Variants in ASXL1 observed in about 807,000 individuals in gnomAD.
ASXL1 encodes the protein ASXL transcriptional regulator 1.
In ASXL1, 65 loss-of-function variants were observed where a neutral mutation model predicts 89.1. That is an observed-to-expected ratio of 0.73 (90% CI 0.60 to 0.90). ASXL1 has a LOEUF of 0.90. ASXL1 is among the 40% of genes least tolerant of loss of function. The pLI, the probability that ASXL1 is intolerant of heterozygous loss-of-function variation, is 0.00. For synonymous variants in ASXL1, 739 were observed against 746.9 expected, an observed-to-expected ratio of 0.99 and a Z score of 0.17; for missense variants, 1,786 against 1,942.9, an observed-to-expected ratio of 0.92 and a Z score of 1.52.
Position 32,433,409 on chromosome 20 carries a change from G to A in ASXL1, c.1211G>A (p.Arg404Gln), listed in dbSNP as rs748755685. 1.4e-5 allele frequency: 23 copies of A among 1,614,070 alleles called. No individual in the cohort carries two copies. Among genetic ancestry groups the A allele is most frequent in the Middle Eastern group, 1.6e-4 (1 of 6,084 alleles). ...RIQRGPATRQ[R>Q]DGHFKKRSRP... Reference sequence around the variant, plus strand: ...CAGCGTGGTCCAGCCACCCGACAGCGAGATGGGCATTTTAAGAAACGCTCT... The same window carrying A: ...CAGCGTGGTCCAGCCACCCGACAGCAAGATGGGCATTTTAAGAAACGCTCT... The change falls in exon 12 of 13, where the codon CGA becomes CAA. Residue 404 changes from arginine (R) to glutamine (Q), a missense_variant. Transcript: ENST00000375687.
At chr20:32,378,387 G>C (rs1012691738) in intron 4 of ASXL1, among the ~76,000 whole-genome samples, 4 of 152,056 alleles carry the variant, frequency 2.6e-5, no homozygotes, top group Admixed American at 2.6e-4. Flanking sequence ...TTTGGCGTCA[G>C]GTTGGCACTC....
intron 4 of ASXL1, among the ~76,000 whole-genome samples, chr20:32,396,650 G>C (rs1403845655): frequency 6.6e-6 from 1 of 152,186 alleles, no homozygotes; most frequent in Non-Finnish European, 1.5e-5. Flanking sequence ...GCAGTGTACA[G>C]ACTACTGTCA....
intron 4 of ASXL1, 65 bp downstream of exon 4, chr20:32,369,188 C>G: frequency 9.8e-6 from 14 of 1,423,054 alleles, no homozygotes; most frequent in Non-Finnish European, 1.4e-5. Flanking sequence ...TAAAAATCAC[C>G]TGGTAGGTCT....
chr20:32,394,899 A>G (rs2048735720), intron 4 of ASXL1, among the ~76,000 whole-genome samples: 1 of 151,818 alleles, frequency 6.6e-6, no homozygotes, highest in African/African-American at 2.4e-5. Context: ...TTATTAGTAG[A>G]GATGGGGTTT....
At chr20:32,418,001 A>T (rs2049167046) in intron 4 of ASXL1, among the ~76,000 whole-genome samples, 1 of 151,780 alleles carries the variant, frequency 6.6e-6, no homozygotes, top group African/African-American at 2.4e-5. Context: ...ACATGGGGAA[A>T]CCCCGTCTCT....
intron 4 of ASXL1, among the ~76,000 whole-genome samples, chr20:32,398,510 T>C (rs1202098660): frequency 6.6e-6 from 1 of 152,176 alleles, no homozygotes; most frequent in Non-Finnish European, 1.5e-5. Flanking sequence ...ACCAGTCTGC[T>C]CTGTTTCTGT....
At chr20:32,434,353 A>G in intron 12 of ASXL1, 79 bp from the exon 13 acceptor site, 3 of 1,525,772 alleles carry the variant, frequency 2.0e-6, no homozygotes, top group Non-Finnish European at 2.7e-6. Flanking sequence ...TTAAGCTACT[A>G]GAATCCTAGT....
chr20:32,429,348 A>C lies in ASXL1; in HGVS notation c.482A>C (p.Gln161Pro). The part of the protein sequence containing the change: ...SYRASSQANK[Q>P]KKKTGVMLPR... Reference sequence around the variant, plus strand: ...TCTCTTGGAACGCAGGCGAACAAACAAAAGAAAAAGACTGGGGTGATGCTG... The same window carrying C: ...TCTCTTGGAACGCAGGCGAACAAACCAAAGAAAAAGACTGGGGTGATGCTG... The change falls in exon 7 of 13, where the codon CAA becomes CCA. Residue 161 changes from glutamine (Q) to proline (P), a missense_variant. Gln to Pro is a moderately conservative substitution (Grantham distance 76). Around this residue, in one of 3 missense-constraint regions of ASXL1, gnomAD observed 332 missense variants for 449.7 expected, o/e 0.74. Transcript: ENST00000375687. The surrounding 1 kb of genome is among the most constrained non-coding windows in gnomAD (Gnocchi z 4.9). 1.2e-6 allele frequency: 2 copies of C among 1,614,198 alleles called. No individual in the cohort carries two copies. Among genetic ancestry groups the C allele is most frequent in the East Asian group, 4.5e-5 (2 of 44,884 alleles).
chr20:32,437,443 A>G lies in ASXL1; in HGVS notation c.*105A>G. Reference sequence around the variant, plus strand: ...ATCATTGATATAATACTCTTTAGGCAGGAGCACTCTTGCCTTCCCCCAAAA... The same window carrying G: ...ATCATTGATATAATACTCTTTAGGCGGGAGCACTCTTGCCTTCCCCCAAAA... On this transcript the variant is annotated 3_prime_UTR_variant, in exon 13 of 13. Transcript: ENST00000375687. 6.5e-7 allele frequency: 1 copy of G among 1,540,832 alleles called. No individual in the cohort carries two copies. Among genetic ancestry groups the G allele is most frequent in the Non-Finnish European group, 8.9e-7 (1 of 1,119,160 alleles).
At chr20:32,398,603 GTTTTTTTTTTTGTTTT>G (rs2048810680) in intron 4 of ASXL1, among the ~76,000 whole-genome samples, 1 of 126,450 alleles carries the variant, frequency 7.9e-6, no homozygotes, top group African/African-American at 3.2e-5. Flanking sequence ...TTTTTTGTTT[GTTTTTTTTTTTGTTTT>G]TTTTTTTTGA....
At chr20:32,402,366 C>T (rs2048889993) in intron 4 of ASXL1, among the ~76,000 whole-genome samples, 2 of 152,206 alleles carry the variant, frequency 1.3e-5, no homozygotes, top group Admixed American at 1.3e-4. Context: ...CACTGAAGAA[C>T]ATTTGAGTTG....
intron 4 of ASXL1, among the ~76,000 whole-genome samples, chr20:32,383,137 T>G (rs1220711137): frequency 7.9e-5 from 12 of 152,170 alleles, no homozygotes; most frequent in Non-Finnish European, 1.5e-5. Context: ...ACTTCATCTT[T>G]TGAAGGATCT....
intron 1 of ASXL1, chr20:32,359,125 C>T (rs2048065761): frequency 3.3e-6 from 2 of 615,014 alleles, no homozygotes; most frequent in South Asian, 1.9e-5. Flanking sequence ...AGCGGGGTCC[C>T]GCGTCCCCTC....
chr20:32,434,456 CCCTGGGTG>C lies in ASXL1; in HGVS notation c.1745_1752del (p.Pro582ArgfsTer2). 6.2e-7 allele frequency: 1 copy of C among 1,614,102 alleles called. No homozygotes were observed. The highest frequency in any genetic ancestry group is 1.6e-4 in the Middle Eastern group (1 of 6,062). On this transcript the variant is annotated frameshift_variant, in exon 13 of 13. Transcript: ENST00000375687. LOFTEE classifies it low-confidence loss of function (END_TRUNC). Reference sequence around the variant, plus strand: ...GATTCAACTTTCACGTATCAAACCACCCTGGGTGGTTAAAGGTCAGCCCACTTACCAGA... The same window carrying C: ...GATTCAACTTTCACGTATCAAACCACGTTAAAGGTCAGCCCACTTACCAGA...
chr20:32,399,745 C>CTATTTTTTTTTTTTTT (rs1600525633), intron 4 of ASXL1, among the ~76,000 whole-genome samples: 4 of 66,598 alleles, frequency 6.0e-5, no homozygotes, highest in African/African-American at 1.2e-4. Context: ...ACATATTTTA[C>CTATTTTTTTTTTTTTT]TCTTTTTTTT....
chr20:32,411,314 G>A (rs919380339), intron 4 of ASXL1, among the ~76,000 whole-genome samples: 1 of 127,842 alleles, frequency 7.8e-6, no homozygotes, highest in African/African-American at 2.9e-5. Context: ...TGCAACCTCT[G>A]TCTCCTGGGT....
At chr20:32,393,943 G>A (rs1052204045) in intron 4 of ASXL1, among the ~76,000 whole-genome samples, 1 of 149,356 alleles carries the variant, frequency 6.7e-6, no homozygotes, top group Non-Finnish European at 1.5e-5. Context: ...CAGTTTTCCT[G>A]TCTCAGCCTC....
intron 4 of ASXL1, among the ~76,000 whole-genome samples, chr20:32,411,097 ATTTTT>A (rs1211781825): frequency 8.0e-6 from 1 of 124,480 alleles, no homozygotes; most frequent in Non-Finnish European, 1.7e-5. Context: ...TCAAGTGGTG[ATTTTT>A]TTTTTTTTTA....
At chr20:32,377,178 T>C (rs2048400220) in intron 4 of ASXL1, among the ~76,000 whole-genome samples, 2 of 143,288 alleles carry the variant, frequency 1.4e-5, no homozygotes, top group Non-Finnish European at 3.0e-5. Context: ...TTATATATAA[T>C]ATATTATAGA....
Sources: allele counts gnomAD v4.1 joint callset (sites outside exome capture counted in the v4.1 genomes callset), GRCh38; gene constraint gnomAD v4.1.1; regional missense constraint gnomAD v4.1.1; non-coding constraint Gnocchi (gnomAD v3.1); transcripts MANE v1.5; gene names NCBI Gene and HGNC (gene_info 2026-07-23, HGNC 2026-07-21).